Variants in CNTNAP2 observed in about 807,000 individuals in gnomAD.
The protein encoded by CNTNAP2 is contactin associated protein 2, also known as contactin-associated protein-like 2.
In CNTNAP2, 98 loss-of-function variants were observed where a neutral mutation model predicts 155.2. The observed-to-expected ratio is 0.63, with a 90% CI of 0.54 to 0.75. The LOEUF (loss-of-function observed/expected upper bound fraction) is 0.75. Ranked by LOEUF, CNTNAP2 falls within the 30% of genes least tolerant of loss-of-function variation. The pLI, the probability that CNTNAP2 is intolerant of heterozygous loss-of-function variation, is 0.00. For synonymous variants in CNTNAP2, 651 were observed against 631.2 expected (o/e 1.03, Z -0.47); for missense variants, 1,727 against 1,688.1 (o/e 1.02, Z -0.40).
At chr7:146,195,527 C>G (rs1347101015) in intron 1 of CNTNAP2, among the ~76,000 whole-genome samples, 6 of 152,270 alleles carry the variant, frequency 3.9e-5, no homozygotes, top group African/African-American at 1.4e-4. Context: ...TTTCTTACTG[C>G]CAATGATATT....
At chr7:147,636,397 G>A (rs1450992897) in intron 12 of CNTNAP2, among the ~76,000 whole-genome samples, 1 of 152,030 alleles carries the variant, frequency 6.6e-6, no homozygotes, top group Non-Finnish European at 1.5e-5. Context: ...TTCCTAGATT[G>A]AGTAGCTTGG....
At chr7:146,347,422 G>T (rs1311545712) in intron 1 of CNTNAP2, among the ~76,000 whole-genome samples, 1 of 152,142 alleles carries the variant, frequency 6.6e-6, no homozygotes, top group Non-Finnish European at 1.5e-5. Context: ...AGGGCCCAGA[G>T]AAGTCATCTT....
At chr7:147,886,720 G>A (rs762319743) in intron 13 of CNTNAP2, among the ~76,000 whole-genome samples, 6 of 151,972 alleles carry the variant, frequency 3.9e-5, no homozygotes, top group African/African-American at 9.7e-5. Context: ...ACATGTTTCC[G>A]AATCATACCT....
chr7:147,604,150 G>A (rs1033602091), intron 12 of CNTNAP2, among the ~76,000 whole-genome samples: 82 of 152,026 alleles, frequency 5.4e-4, no homozygotes, highest in Non-Finnish European at 4.6e-4. Context: ...TACCATTCAG[G>A]ACATAGGCGT....
chr7:146,625,390 A>G (rs2129157481), intron 1 of CNTNAP2, among the ~76,000 whole-genome samples: 1 of 152,142 alleles, frequency 6.6e-6, no homozygotes, highest in South Asian at 2.1e-4. Context: ...TGAGACCAGA[A>G]ATGAATGGCT....
intron 12 of CNTNAP2, among the ~76,000 whole-genome samples, chr7:147,619,106 A>T (rs958948532): frequency 6.6e-6 from 1 of 152,266 alleles, no homozygotes; most frequent in East Asian, 1.9e-4. Flanking sequence ...AGGTGATTAC[A>T]TGATGAGACA....
chr7:146,691,809 A>G (rs1368916071), intron 1 of CNTNAP2, among the ~76,000 whole-genome samples: 1 of 152,112 alleles, frequency 6.6e-6, no homozygotes, highest in African/African-American at 2.4e-5. Context: ...AGTTGGCATG[A>G]ATTAAATTGT....
chr7:147,912,131 C>A (rs373080002), intron 14 of CNTNAP2, among the ~76,000 whole-genome samples: 65 of 152,274 alleles, frequency 4.3e-4, no homozygotes, highest in African/African-American at 1.4e-3. Context: ...ATGACTGTTT[C>A]CTTAACCACA....
At chr7:148,374,439 G>A (rs1169828035) in intron 21 of CNTNAP2, among the ~76,000 whole-genome samples, 5 of 151,914 alleles carry the variant, frequency 3.3e-5, no homozygotes, top group African/African-American at 4.8e-5. Context: ...CCCCATTGTC[G>A]CAAATTCTCC....
chr7:146,533,234 C>A (rs1797797286), intron 1 of CNTNAP2, among the ~76,000 whole-genome samples: 1 of 151,800 alleles, frequency 6.6e-6, no homozygotes, highest in Non-Finnish European at 1.5e-5. Context: ...AGTTTCATAC[C>A]CAGGACTTTA....
chr7:146,325,588 GC>G (rs965447691), intron 1 of CNTNAP2, among the ~76,000 whole-genome samples: 1 of 151,688 alleles, frequency 6.6e-6, no homozygotes, highest in Non-Finnish European at 1.5e-5. Context: ...AGATGGACAC[GC>G]CCCCCTATAC....
At chr7:146,308,660 G>T (rs1800764070) in intron 1 of CNTNAP2, among the ~76,000 whole-genome samples, 1 of 152,164 alleles carries the variant, frequency 6.6e-6, no homozygotes, top group Non-Finnish European at 1.5e-5. Flanking sequence ...AAAAAATGAT[G>T]AGTTCATGTC....
intron 3 of CNTNAP2, among the ~76,000 whole-genome samples, chr7:146,968,241 T>G (rs1392790473): frequency 6.6e-6 from 1 of 152,128 alleles, no homozygotes; most frequent in Non-Finnish European, 1.5e-5. Context: ...TTTGCATCAA[T>G]GTTCATCAAG....
intron 15 of CNTNAP2, among the ~76,000 whole-genome samples, chr7:148,048,280 C>G (rs960759288): frequency 2.0e-5 from 3 of 152,098 alleles, no homozygotes; most frequent in African/African-American, 7.2e-5. Context: ...ACTCGAGAAC[C>G]ACATCACTGT....
At chr7:147,674,260 G>A (rs1176056188) in intron 13 of CNTNAP2, among the ~76,000 whole-genome samples, 1 of 152,112 alleles carries the variant, frequency 6.6e-6, no homozygotes, top group Non-Finnish European at 1.5e-5. Context: ...ATTCTTTATT[G>A]AAAACATATC....
intron 1 of CNTNAP2, among the ~76,000 whole-genome samples, chr7:146,150,356 T>G (rs939627834): frequency 2.0e-5 from 3 of 152,100 alleles, no homozygotes; most frequent in Non-Finnish European, 4.4e-5. Flanking sequence ...ACTGACAAAG[T>G]TGAGCATATA....
At chr7:146,379,663 G>A (rs1795353593) in intron 1 of CNTNAP2, among the ~76,000 whole-genome samples, 1 of 152,112 alleles carries the variant, frequency 6.6e-6, no homozygotes, top group South Asian at 2.1e-4. Flanking sequence ...TTGTCATCTT[G>A]TGGACATTAC....
chr7:146,962,582 G>A (rs1047641911), intron 3 of CNTNAP2, among the ~76,000 whole-genome samples: 40 of 152,082 alleles, frequency 2.6e-4, no homozygotes, highest in African/African-American at 9.2e-4. Context: ...ACAGAGTCTC[G>A]CTCTGTTTCC....
chr7:146,189,701 G>T (rs1330951871), intron 1 of CNTNAP2, among the ~76,000 whole-genome samples: 1 of 152,160 alleles, frequency 6.6e-6, no homozygotes, highest in African/African-American at 2.4e-5. Flanking sequence ...GACCATGGAG[G>T]TGACATTTTG....
Sources: allele counts gnomAD v4.1 joint callset (sites outside exome capture counted in the v4.1 genomes callset), GRCh38; gene constraint gnomAD v4.1.1; transcripts MANE v1.5; gene names NCBI Gene and HGNC (gene_info 2026-07-23, HGNC 2026-07-21).